The following KHDRBS2 variants were observed in gnomAD, a reference collection of about 807,000 sequenced individuals.
The protein encoded by KHDRBS2 is KH domain-containing, RNA-binding, signal transduction-associated protein 2.
A neutral mutation model predicts 44.3 loss-of-function variants in KHDRBS2; 26 were observed. That is an observed-to-expected ratio of 0.59 (90% CI 0.43 to 0.81). KHDRBS2 has a LOEUF of 0.81. KHDRBS2 is among the 40% of genes least tolerant of loss of function. KHDRBS2 has a pLI of 0.00. For missense variants in KHDRBS2, 476 were observed against 433.1 expected (o/e 1.10, Z -0.88); for synonymous variants, 194 against 151.1 (o/e 1.28, Z -2.08).
rs1309998243 is a variant in KHDRBS2, at chr6:62,286,066, C to G, written c.-118G>C. ...GCTCCTCCTCCGCGCGGCGAGGGATCTCTGTGCGTCCTCACTGGCCCATGC... is the reference window on the plus strand; with the variant it reads ...GCTCCTCCTCCGCGCGGCGAGGGATGTCTGTGCGTCCTCACTGGCCCATGC... On this transcript the variant is annotated 5_prime_UTR_variant, in exon 1 of 9. Transcript: ENST00000281156. 7.2e-6 allele frequency: 5 copies of G among 696,840 alleles called. No individual in the cohort carries two copies. In the Admixed American group the frequency reaches 1.1e-4, roughly 15 times the overall value. The allele number at this position is 696,840 out of a possible 1,614,324, so 43.2% of individuals were successfully genotyped here.
At chr6:61,593,016 G>T in the KHDRBS2 span, among the ~76,000 whole-genome samples, 1 of 152,062 alleles carries the variant, frequency 6.6e-6, no homozygotes, top group Non-Finnish European at 1.5e-5. Context: ...AATTTCTATA[G>T]AAATAGAAGA....
At chr6:62,277,127 T>G (rs1380007718) in intron 1 of KHDRBS2, among the ~76,000 whole-genome samples, 2 of 152,136 alleles carry the variant, frequency 1.3e-5, no homozygotes, top group African/African-American at 4.8e-5. Context: ...TGACTTTCTC[T>G]GAATTCCTAT....
chr6:61,923,397 A>C (rs955240692), intron 4 of KHDRBS2, among the ~76,000 whole-genome samples: 2 of 152,000 alleles, frequency 1.3e-5, no homozygotes, highest in African/African-American at 4.8e-5. Flanking sequence ...AATTTTTGGA[A>C]GGCAAAAACT....
intron 6 of KHDRBS2, among the ~76,000 whole-genome samples, chr6:61,758,997 C>T (rs536942174): frequency 2.6e-5 from 4 of 152,008 alleles, no homozygotes; most frequent in Middle Eastern, 3.4e-3. Flanking sequence ...GCCATGATAC[C>T]ATAAAATTAC....
At chr6:61,599,446 G>C in the KHDRBS2 span, among the ~76,000 whole-genome samples, 14 of 149,028 alleles carry the variant, frequency 9.4e-5, no homozygotes, top group Admixed American at 9.5e-4. Context: ...TTTAAAAGTG[G>C]GTGCAGAAGA....
intron 3 of KHDRBS2, among the ~76,000 whole-genome samples, chr6:62,030,289 C>A (rs1451673585): frequency 6.6e-6 from 1 of 151,992 alleles, no homozygotes; most frequent in Non-Finnish European, 1.5e-5. Flanking sequence ...ATATAATTTT[C>A]TAAAGTATCA....
chr6:61,652,913 A>G, the KHDRBS2 span, among the ~76,000 whole-genome samples: 1 of 152,136 alleles, frequency 6.6e-6, no homozygotes, highest in Non-Finnish European at 1.5e-5. Flanking sequence ...GATATAAAAG[A>G]AAAAGTACCT....
intron 2 of KHDRBS2, among the ~76,000 whole-genome samples, chr6:62,093,363 C>T (rs1308800668): frequency 1.3e-5 from 2 of 151,890 alleles, no homozygotes; most frequent in African/African-American, 2.4e-5. Context: ...ATAATGGACA[C>T]ATAATAATTA....
chr6:61,801,540 C>T (rs559678085), intron 6 of KHDRBS2, among the ~76,000 whole-genome samples: 2 of 152,090 alleles, frequency 1.3e-5, no homozygotes, highest in Non-Finnish European at 2.9e-5. Context: ...AGAAAGAACA[C>T]TGATGAATAG....
chr6:62,015,789 A>T (rs1467478084), intron 3 of KHDRBS2, among the ~76,000 whole-genome samples: 3 of 152,212 alleles, frequency 2.0e-5, no homozygotes, highest in Non-Finnish European at 4.4e-5. Context: ...TTATCCACAG[A>T]TCAGAAAATT....
At chr6:61,867,246 T>C (rs1489629513) in intron 6 of KHDRBS2, among the ~76,000 whole-genome samples, 1 of 152,184 alleles carries the variant, frequency 6.6e-6, no homozygotes, top group Non-Finnish European at 1.5e-5. Flanking sequence ...AGTCATGTCT[T>C]ACATGTATGG....
intron 8 of KHDRBS2, among the ~76,000 whole-genome samples, chr6:61,696,474 G>C (rs188893067): frequency 6.6e-6 from 1 of 151,762 alleles, no homozygotes; most frequent in Non-Finnish European, 1.5e-5. Flanking sequence ...GGCCAAGATG[G>C]TCTCACTCTC....
chr6:62,132,611 G>C (rs1810586819), intron 2 of KHDRBS2, among the ~76,000 whole-genome samples: 1 of 152,084 alleles, frequency 6.6e-6, no homozygotes. Flanking sequence ...ATACTGATGA[G>C]GGTTTTTCTA....
intron 2 of KHDRBS2, among the ~76,000 whole-genome samples, chr6:62,109,728 A>T (rs1804549934): frequency 6.6e-6 from 1 of 151,686 alleles, no homozygotes; most frequent in Non-Finnish European, 1.5e-5. Flanking sequence ...TTTCATATGT[A>T]TATGCAAAAG....
intron 6 of KHDRBS2, among the ~76,000 whole-genome samples, chr6:61,792,580 T>C (rs1007857449): frequency 2.0e-5 from 3 of 151,460 alleles, no homozygotes; most frequent in African/African-American, 7.3e-5. Flanking sequence ...GAGTGATAGT[T>C]TTTTTTTACT....
the KHDRBS2 span, among the ~76,000 whole-genome samples, chr6:61,629,103 G>A: frequency 6.6e-6 from 1 of 152,122 alleles, no homozygotes; most frequent in East Asian, 1.9e-4. Flanking sequence ...CCTGCTGATA[G>A]CCACAATTAC....
chr6:62,186,067 C>T (rs1051490816), intron 1 of KHDRBS2, among the ~76,000 whole-genome samples: 9 of 151,980 alleles, frequency 5.9e-5, no homozygotes, highest in African/African-American at 1.9e-4. Flanking sequence ...AGAATGCAGG[C>T]TTCTGGATAC....
At chr6:62,072,574 C>A (rs1220400156) in intron 2 of KHDRBS2, among the ~76,000 whole-genome samples, 2 of 152,000 alleles carry the variant, frequency 1.3e-5, no homozygotes, top group Non-Finnish European at 2.9e-5. Flanking sequence ...TTGTCAATGG[C>A]CTTTTCTGCA....
At chr6:61,964,357 G>A (rs550233638) in intron 4 of KHDRBS2, among the ~76,000 whole-genome samples, 6 of 152,024 alleles carry the variant, frequency 3.9e-5, no homozygotes, top group East Asian at 3.9e-4. Flanking sequence ...ACAAGCAATC[G>A]CATCAGGCAG....
Sources: allele counts gnomAD v4.1 joint callset (sites outside exome capture counted in the v4.1 genomes callset), GRCh38; gene constraint gnomAD v4.1.1; transcripts MANE v1.5; gene names NCBI Gene and HGNC (gene_info 2026-07-23, HGNC 2026-07-21).